DNAJB12: variants seen among roughly 807,000 people sequenced by gnomAD.
The protein encoded by DNAJB12 is dnaJ homolog subfamily B member 12.
Under a neutral mutation model 40.6 loss-of-function variants are expected in DNAJB12, and 14 were observed. The observed-to-expected ratio is 0.34, with a 90% CI of 0.23 to 0.54. The LOEUF is 0.54. Ranked by LOEUF, DNAJB12 falls within the 20% of genes least tolerant of loss-of-function variation. The pLI is 0.92. For missense variants in DNAJB12, 444 were observed against 501.7 expected (o/e 0.89, Z 1.10); for synonymous variants, 181 against 199.5 (o/e 0.91, Z 0.78).
At chr10:72,336,476 T>C in intron 7 of DNAJB12, 48 bp downstream of exon 7, 1 of 1,585,230 alleles carries the variant, frequency 6.3e-7, no homozygotes, top group Non-Finnish European at 8.6e-7. Context: ...TCCAGCTTCA[T>C]CCCAAGCCAC....
intron 1 of DNAJB12, 55 bp downstream of exon 1, chr10:72,354,710 C>T: frequency 1.3e-6 from 2 of 1,506,190 alleles, no homozygotes; most frequent in East Asian, 2.3e-5. Flanking sequence ...GGTCCGTTCC[C>T]GTGTTCCCCC....
At chr10:72,351,042 G>C (rs1233828213) in intron 1 of DNAJB12, among the ~76,000 whole-genome samples, 1 of 152,138 alleles carries the variant, frequency 6.6e-6, no homozygotes, top group Non-Finnish European at 1.5e-5. Flanking sequence ...CAGAACATTG[G>C]ATAGCCTGAG....
intron 6 of DNAJB12, 67 bp downstream of exon 6, chr10:72,338,135 C>T (rs1162768724): frequency 9.5e-6 from 13 of 1,370,872 alleles, no homozygotes; most frequent in East Asian, 2.3e-5. Flanking sequence ...GGAAAGAAGG[C>T]CCCTGATGGG....
intron 5 of DNAJB12, among the ~76,000 whole-genome samples, 199 bp downstream of exon 5, chr10:72,340,590 A>ATGGCTCCCTCGTGTGGCGCC (rs1262147963): frequency 1.3e-5 from 2 of 152,152 alleles, no homozygotes; most frequent in African/African-American, 4.8e-5. Context: ...AATGTGGAGC[A>ATGGCTCCCTCGTGTGGCGCC]TGGCTCCCTC....
In DNAJB12 at chr10:72,336,547, T is replaced by C. The variant is rs1861479717; in HGVS notation, c.983A>G (p.Asn328Ser). 2 of 1,613,978 alleles carry C rather than the reference T, an allele frequency of 1.2e-6. No individual in the cohort carries two copies. Among genetic ancestry groups the C allele is most frequent in the Non-Finnish European group, 1.7e-6 (2 of 1,179,956 alleles). Residue 328 changes from asparagine (N) to serine (S), a missense_variant, in exon 7 of 9, where the codon AAC becomes AGC. Physicochemically the swap from Asn to Ser is conservative, Grantham distance 46. Coordinates refer to ENST00000444643, the MANE Select transcript of DNAJB12 (RefSeq NM_017626.7). ...EDDYIANLRN[N>S]CWKEKQQKEG... Reference sequence around the variant, plus strand: ...ACTCTGCTGCTTCTCCTTCCAGCAGTTGTTCCGGAGGTTGGCGATATAATC... The same window carrying C: ...ACTCTGCTGCTTCTCCTTCCAGCAGCTGTTCCGGAGGTTGGCGATATAATC...
intron 2 of DNAJB12, among the ~76,000 whole-genome samples, chr10:72,344,425 T>C (rs1861726014): frequency 6.6e-6 from 1 of 152,194 alleles, no homozygotes; most frequent in South Asian, 2.1e-4. Flanking sequence ...GCTGGGAACG[T>C]CTAAGCCTGA....
Position 72,335,780 on chromosome 10 carries a change from T to C in DNAJB12, c.*30A>G. 6.2e-7 allele frequency: 1 copy of C among 1,612,852 alleles called. No homozygotes were observed. The highest frequency in any genetic ancestry group is 8.5e-7 in the Non-Finnish European group (1 of 1,179,312). On this transcript the variant is annotated splice_region_variant and 3_prime_UTR_variant, in exon 8 of 9. Coordinates refer to ENST00000444643, the MANE Select transcript of DNAJB12 (RefSeq NM_017626.7). The surrounding 1 kb of genome is among the most constrained non-coding windows in gnomAD (Gnocchi z 4.4). ...GGGTGGAGGCAGCCCTGGCTCATAC[T>C]TGGACCTCGGTGGTGTGGCTGGCCC...
intron 5 of DNAJB12, among the ~76,000 whole-genome samples, chr10:72,339,213 A>T (rs1243308726): frequency 1.5e-5 from 2 of 130,804 alleles, no homozygotes; most frequent in Admixed American, 8.6e-5. Flanking sequence ...CACTCTAGCC[A>T]GGGTGACAGA....
At chr10:72,346,707 C>T (rs1194874528) in intron 1 of DNAJB12, among the ~76,000 whole-genome samples, 1 of 151,656 alleles carries the variant, frequency 6.6e-6, no homozygotes, top group Non-Finnish European at 1.5e-5. Context: ...GTGATCTGCC[C>T]ACCTCGGGTT....
rs1424255331 is a variant in DNAJB12, at chr10:72,341,101, T to C, written c.527A>G (p.Asp176Gly). 1.2e-6 allele frequency: 2 copies of C among 1,614,148 alleles called. No homozygotes were observed. The highest frequency in any genetic ancestry group is 3.3e-5 in the Admixed American group (2 of 60,022). ...KRKQYDQFGD[D>G]KSQAARHGHG... Reference sequence around the variant, plus strand: ...GCCGTGCCGGGCCGCCTGGCTCTTGTCATCGCCGAACTGGTCATACTGCTT... The same window carrying C: ...GCCGTGCCGGGCCGCCTGGCTCTTGCCATCGCCGAACTGGTCATACTGCTT... The change falls in exon 4 of 9, where the codon GAC becomes GGC. Residue 176 changes from aspartate (D) to glycine (G), a missense_variant. Asp to Gly is a moderately conservative substitution (Grantham distance 94, BLOSUM62 -1). Coordinates refer to ENST00000444643, the MANE Select transcript of DNAJB12 (RefSeq NM_017626.7).
chr10:72,354,675 T>G, intron 1 of DNAJB12, 90 bp downstream of exon 1: 47 of 1,007,978 alleles, frequency 4.7e-5, no homozygotes, highest in Non-Finnish European at 6.2e-5. Context: ...TCGCCACCCC[T>G]CCCCCTCCCC....
rs756696819 is a variant in DNAJB12, at chr10:72,345,089, C to G, written c.172G>C (p.Gly58Arg). The change falls in exon 2 of 9, where the codon GGT becomes CGT. Residue 58 changes from glycine (G) to arginine (R), a missense_variant. Coordinates refer to ENST00000444643, the MANE Select transcript of DNAJB12 (RefSeq NM_017626.7). ...GTGTCTGTGGGTGGGGGTTGGTCACCGGCAGTCTGTGGTTTCTGGTTGAGG... is the reference window on the plus strand; with the variant it reads ...GTGTCTGTGGGTGGGGGTTGGTCACGGGCAGTCTGTGGTTTCTGGTTGAGG... ...ESLNQKPQTA[G>R]DQPPPTDTTH... 13 of 1,613,812 alleles carry G rather than the reference C, an allele frequency of 8.1e-6. No homozygotes were observed. The highest frequency in any genetic ancestry group is 1.1e-5 in the Non-Finnish European group (13 of 1,179,836).
At chr10:72,346,891 T>C (rs561781857) in intron 1 of DNAJB12, among the ~76,000 whole-genome samples, 1 of 152,352 alleles carries the variant, frequency 6.6e-6, no homozygotes, top group Admixed American at 6.5e-5. Context: ...TGCAAATATG[T>C]TTGCATTGCA....
At chr10:72,340,569 C>A (rs1861604952) in intron 5 of DNAJB12, among the ~76,000 whole-genome samples, 1 of 152,220 alleles carries the variant, frequency 6.6e-6, no homozygotes, top group Admixed American at 6.5e-5. Flanking sequence ...CAAAGCCGCG[C>A]TCCCGCCGGC....
intron 1 of DNAJB12, 42 bp from the exon 2 acceptor site, chr10:72,345,169 AGGCTGCGTGCCTCGCCGAGC>A (rs1861752093): frequency 6.4e-7 from 1 of 1,558,414 alleles, no homozygotes; most frequent in African/African-American, 1.4e-5. Flanking sequence ...CTGCTCAAGC[AGGCTGCGTGCCTCGCCGAGC>A]GGCCCGCTGC....
chr10:72,349,617 C>T (rs1861885166), intron 1 of DNAJB12, among the ~76,000 whole-genome samples: 1 of 152,192 alleles, frequency 6.6e-6, no homozygotes, highest in African/African-American at 2.4e-5. Flanking sequence ...CTGAGCCTGG[C>T]AGATCCTAAG....
chr10:72,340,762 G>A lies in DNAJB12; in HGVS notation c.723+27C>T, dbSNP rs768210273. 12 of 1,610,234 alleles carry A rather than the reference G, an allele frequency of 7.5e-6. No homozygotes were observed. The South Asian group carries it at 1.1e-4, about 15-fold the overall frequency. ...GGGGTGGATTTGGTGCCCTTCCCGC[G>A]CTGTCCCTGGCGCCCTCCTCACTCA... On this transcript the variant is annotated intron_variant, in intron 5 of 8. Transcript: ENST00000444643.
In DNAJB12 at chr10:72,337,235, C is replaced by T. The variant is rs567545674; in HGVS notation, c.834-539G>A. On this transcript the variant is annotated intron_variant, in intron 6 of 8. Coordinates refer to ENST00000444643, the MANE Select transcript of DNAJB12 (RefSeq NM_017626.7). ...TGGGGACAACAGTCCCTGCCCTAGT[C>T]CTCTGCTCCTCACATCTCTCCAGTT... Among the ~76,000 whole-genome samples, 59 of 152,352 alleles carry T rather than the reference C, an allele frequency of 3.9e-4. 2 individuals carry two copies. The South Asian group carries it at 0.012, about 32-fold the overall frequency.
At chr10:72,344,437 G>A (rs535926505) in intron 2 of DNAJB12, among the ~76,000 whole-genome samples, 207 of 152,350 alleles carry the variant, frequency 1.4e-3, no homozygotes, top group Non-Finnish European at 2.4e-3. Flanking sequence ...TAAGCCTGAG[G>A]AGCCTTGGCT....
Sources: allele counts gnomAD v4.1 joint callset (sites outside exome capture counted in the v4.1 genomes callset), GRCh38; gene constraint gnomAD v4.1.1; non-coding constraint Gnocchi (gnomAD v3.1); transcripts MANE v1.5; gene names NCBI Gene and HGNC (gene_info 2026-07-23, HGNC 2026-07-21).